The following PRKN variants were observed in gnomAD, a reference collection of about 807,000 sequenced individuals.
The protein encoded by PRKN is E3 ubiquitin-protein ligase parkin.
Under a neutral mutation model 59.5 loss-of-function variants are expected in PRKN, and 56 were observed. That is an observed-to-expected ratio of 0.94 (90% CI 0.76 to 1.18). PRKN has a LOEUF of 1.18. Ranked by LOEUF, PRKN falls within the 50% of genes most tolerant of loss-of-function variation. The pLI is 0.00. For missense variants in PRKN, 657 were observed against 596.4 expected, an observed-to-expected ratio of 1.10 and a Z score of -1.06; for synonymous variants, 250 against 222.1, an observed-to-expected ratio of 1.13 and a Z score of -1.12.
chr6:162,648,912 C>A (rs1196288879), intron 1 of PRKN, among the ~76,000 whole-genome samples: 1 of 151,974 alleles, frequency 6.6e-6, no homozygotes, highest in East Asian at 1.9e-4. Context: ...ATAAGTTTAC[C>A]CTAAAAAACT....
intron 1 of PRKN, among the ~76,000 whole-genome samples, chr6:162,673,693 T>C (rs1779425623): frequency 6.6e-6 from 1 of 152,208 alleles, no homozygotes; most frequent in South Asian, 2.1e-4. Flanking sequence ...GCCTAGATTT[T>C]TTTTAAATGT....
At chr6:161,988,182 AT>A (rs1491267218) in intron 5 of PRKN, among the ~76,000 whole-genome samples, 4 of 151,042 alleles carry the variant, frequency 2.6e-5, no homozygotes, top group Admixed American at 6.6e-5. Context: ...GGGAAAAAAA[AT>A]TTTTTTTTTA....
chr6:162,725,997 T>C (rs1035048006), intron 1 of PRKN, among the ~76,000 whole-genome samples: 1 of 152,178 alleles, frequency 6.6e-6, no homozygotes, highest in African/African-American at 2.4e-5. Flanking sequence ...ATATTCTCCA[T>C]GTCATTACCA....
At chr6:161,934,155 T>C (rs527245088) in intron 6 of PRKN, among the ~76,000 whole-genome samples, 1 of 152,320 alleles carries the variant, frequency 6.6e-6, no homozygotes, top group Non-Finnish European at 1.5e-5. Flanking sequence ...GGAGATCTGA[T>C]GGTTTTATAA....
chr6:162,189,062 C>T (rs1052732385), intron 4 of PRKN, among the ~76,000 whole-genome samples: 2 of 150,794 alleles, frequency 1.3e-5, no homozygotes, highest in Admixed American at 6.6e-5. Flanking sequence ...AGAGTTGATT[C>T]CTACTCTAAT....
At chr6:162,453,226 A>G (rs999903747) in intron 1 of PRKN, among the ~76,000 whole-genome samples, 2 of 152,190 alleles carry the variant, frequency 1.3e-5, no homozygotes, top group Admixed American at 1.3e-4. Context: ...CTGGTCTTAG[A>G]ACATAGCAAC....
chr6:162,021,154 A>ATATATATATATAAAATATATGTG (rs1783156655), intron 5 of PRKN, among the ~76,000 whole-genome samples: 1 of 18,730 alleles, frequency 5.3e-5, no homozygotes, highest in Non-Finnish European at 1.1e-4. Flanking sequence ...ATATATATAT[A>ATATATATATATAAAATATATGTG]TATATATATA....
chr6:162,081,177 T>C (rs1025797164), intron 4 of PRKN, among the ~76,000 whole-genome samples: 1 of 152,036 alleles, frequency 6.6e-6, no homozygotes, highest in Non-Finnish European at 1.5e-5. Flanking sequence ...CCAACTCCTA[T>C]TAATCTTCAT....
At chr6:162,041,357 T>C (rs1784062896) in intron 5 of PRKN, among the ~76,000 whole-genome samples, 1 of 152,188 alleles carries the variant, frequency 6.6e-6, no homozygotes, top group South Asian at 2.1e-4. Flanking sequence ...ACATTTGGAC[T>C]CATGGCAATT....
At chr6:162,250,901 GT>G (rs77583731) in intron 3 of PRKN, among the ~76,000 whole-genome samples, 38,734 of 151,916 alleles carry the variant, frequency 0.25, 5,951 homozygotes, top group East Asian at 0.68. Flanking sequence ...ATGTATTTGG[GT>G]TTTTTAGCAA....
At position 162,070,577 on chromosome 6, in the gene PRKN, GC is replaced by G. The variant is rs528632695; in HGVS notation, c.535-16404del. On this transcript the variant is annotated intron_variant, in intron 4 of 11. Coordinates refer to ENST00000366898, the MANE Select transcript of PRKN (RefSeq NM_004562.3). ...AACAAGGGGGTGCCCTAGAGCAGTGGCCCCCAATCTTTTTAGTTGTCTGTCA... is the reference window on the plus strand; with the variant it reads ...AACAAGGGGGTGCCCTAGAGCAGTGGCCCCAATCTTTTTAGTTGTCTGTCA... Among the ~76,000 whole-genome samples, 12 of 152,170 alleles carry G rather than the reference GC, an allele frequency of 7.9e-5. No homozygotes were observed. The South Asian group carries it at 2.5e-3, about 32-fold the overall frequency.
At chr6:161,919,141 T>A (rs946968753) in intron 6 of PRKN, among the ~76,000 whole-genome samples, 1 of 152,192 alleles carries the variant, frequency 6.6e-6, no homozygotes, top group African/African-American at 2.4e-5. Context: ...GGTGAATGGA[T>A]AAACAAAAGG....
At chr6:161,654,397 C>G (rs1314429172) in intron 7 of PRKN, among the ~76,000 whole-genome samples, 1 of 152,166 alleles carries the variant, frequency 6.6e-6, no homozygotes, top group Non-Finnish European at 1.5e-5. Flanking sequence ...GCAAAGGCCA[C>G]TTCCGGGAGG....
chr6:162,727,478 TG>T (rs1779320416), intron 1 of PRKN, among the ~76,000 whole-genome samples, 183 bp downstream of exon 1: 1 of 147,788 alleles, frequency 6.8e-6, no homozygotes, highest in South Asian at 2.4e-4. Flanking sequence ...ACGCACACAC[TG>T]GGGCCCCGGA....
chr6:162,659,456 C>T (rs1262334818), intron 1 of PRKN, among the ~76,000 whole-genome samples: 4 of 152,060 alleles, frequency 2.6e-5, no homozygotes, highest in African/African-American at 7.2e-5. Context: ...ATCTTGTTCA[C>T]GTTCTCTAGC....
At chr6:161,988,360 C>T (rs1055073306) in intron 5 of PRKN, among the ~76,000 whole-genome samples, 17 of 151,666 alleles carry the variant, frequency 1.1e-4, no homozygotes, top group Admixed American at 3.3e-4. Context: ...TAGTGGGGCG[C>T]GCATGTAATC....
At chr6:161,627,079 G>T (rs529961193) in intron 7 of PRKN, among the ~76,000 whole-genome samples, 1 of 152,140 alleles carries the variant, frequency 6.6e-6, no homozygotes, top group South Asian at 2.1e-4. Context: ...TTCTACAATT[G>T]TTCCCACCAC....
intron 2 of PRKN, among the ~76,000 whole-genome samples, chr6:162,357,284 A>C (rs2128132800): frequency 6.6e-6 from 1 of 152,338 alleles, no homozygotes; most frequent in African/African-American, 2.4e-5. Context: ...GAAACACATA[A>C]GTAAGGGACC....
At chr6:162,297,354 A>G (rs993690859) in intron 2 of PRKN, among the ~76,000 whole-genome samples, 11 of 152,166 alleles carry the variant, frequency 7.2e-5, no homozygotes, top group Admixed American at 6.5e-4. Context: ...ATATCAAAGT[A>G]CCAATTAAAC....
Sources: gnomAD v4.1 joint callset for allele counts (sites outside exome capture counted in the v4.1 genomes callset) on GRCh38, gnomAD v4.1.1 for gene constraint, MANE v1.5 for transcripts, NCBI Gene and HGNC (gene_info 2026-07-23, HGNC 2026-07-21) for gene names.